Variants in SAMD8 observed in about 807,000 individuals in gnomAD.
The protein encoded by SAMD8 is sterile alpha motif domain containing 8.
SAMD8 carries 20 observed loss-of-function variants against 42.0 expected under a neutral mutation model. That is an observed-to-expected ratio of 0.48 (90% confidence interval 0.34 to 0.69). The LOEUF (loss-of-function observed/expected upper bound fraction) is 0.69, where lower values mean the gene tolerates loss of function less well. Ranked by LOEUF, SAMD8 falls within the 30% of genes least tolerant of loss-of-function variation. The probability of loss-of-function intolerance (pLI) is 0.01; values close to 1 mark genes in which losing one functional copy is unlikely to be tolerated. For synonymous variants in SAMD8, 162 were observed against 173.0 expected (o/e 0.94, Z 0.50); for missense variants, 328 against 511.6 (o/e 0.64, Z 3.46).
chr10:75,172,604 T>C (rs1360739212), intron 4 of SAMD8, among the ~76,000 whole-genome samples: 1 of 151,974 alleles, frequency 6.6e-6, no homozygotes, highest in Non-Finnish European at 1.5e-5. Context: ...TTCAAGGGAT[T>C]CTCCTGTCTC....
At chr10:75,106,648 T>G (rs910540337) in intron 1 of SAMD8, among the ~76,000 whole-genome samples, 1 of 152,220 alleles carries the variant, frequency 6.6e-6, no homozygotes, top group Non-Finnish European at 1.5e-5. Context: ...GGCCCACTCT[T>G]ATGAGTAGCT....
upstream of SAMD8, chr10:75,107,960 G>A (rs1848616750): frequency 6.9e-6 from 11 of 1,586,370 alleles, no homozygotes; most frequent in Non-Finnish European, 9.4e-6. Flanking sequence ...GAATGAGCAA[G>A]ATGGGATATG....
rs1013732196 is a variant in SAMD8 at position 75,181,633 on chromosome 10, T to C, written c.*4941T>C. 1 of 152,226 alleles carries C rather than the reference T, an allele frequency of 6.6e-6. No homozygotes were observed. Among genetic ancestry groups the C allele is most frequent in the Non-Finnish European group, 1.5e-5 (1 of 68,040 alleles). The allele number at this position is 152,226 out of a possible 1,614,324, so 9.4% of individuals were successfully genotyped here. A position where few individuals can be genotyped will look rare whatever the true frequency, so the allele number is the denominator to read the frequency against. ...GCATAAGGAAAGTTTGTGCCTGATA[T>C]GGCAGGAGAAAGAACACTATGGTAA... On this transcript the variant is annotated 3_prime_UTR_variant, in exon 6 of 6. Transcript: ENST00000542569.
At chr10:75,125,766 G>GT (rs1849117534) in intron 1 of SAMD8, 1 of 152,404 alleles carries the variant, frequency 6.6e-6, no homozygotes, top group African/African-American at 2.4e-5. Context: ...GCCATTCGCA[G>GT]AAAGGTAGTC....
intron 1 of SAMD8, among the ~76,000 whole-genome samples, chr10:75,132,161 C>G (rs1849287820): frequency 1.3e-5 from 2 of 152,248 alleles, no homozygotes; most frequent in African/African-American, 4.8e-5. Flanking sequence ...CTTTTCTAGA[C>G]AGGTACTCTC....
intron 4 of SAMD8, 101 bp from the exon 5 acceptor site, chr10:75,175,964 AT>A (rs1840981996): frequency 1.3e-6 from 2 of 1,522,928 alleles, no homozygotes; most frequent in Non-Finnish European, 1.8e-6. Context: ...CTTAGATCTT[AT>A]TTCTAAGTTA....
chr10:75,164,087 G>A (rs1177519773), intron 2 of SAMD8, among the ~76,000 whole-genome samples: 2 of 152,058 alleles, frequency 1.3e-5, no homozygotes, highest in Non-Finnish European at 1.5e-5. Context: ...ATAGTTTCAC[G>A]GGCCTTGTAG....
At chr10:75,107,448 T>C (rs1848584119), upstream of SAMD8, among the ~76,000 whole-genome samples, 1 of 152,226 alleles carries the variant, frequency 6.6e-6, no homozygotes, top group Admixed American at 6.5e-5. Context: ...GCTGTTCTGC[T>C]GTTTGGGAGA....
At chr10:75,159,777 T>A (rs78373645) in intron 2 of SAMD8, among the ~76,000 whole-genome samples, 4,363 of 152,314 alleles carry the variant, frequency 0.029, 230 homozygotes, top group African/African-American at 0.099. Flanking sequence ...TCCACAGGGC[T>A]TTGCTTGATG....
intron 2 of SAMD8, among the ~76,000 whole-genome samples, chr10:75,151,348 T>C (rs1181524503): frequency 6.6e-6 from 1 of 152,096 alleles, no homozygotes; most frequent in Non-Finnish European, 1.5e-5. Context: ...TAATTTTAAT[T>C]TTAATTTAAT....
At chr10:75,162,470 A>G (rs1326350357) in intron 2 of SAMD8, among the ~76,000 whole-genome samples, 1 of 151,860 alleles carries the variant, frequency 6.6e-6, no homozygotes, top group Non-Finnish European at 1.5e-5. Flanking sequence ...ACCAACATGG[A>G]GAAACCCCAT....
chr10:75,149,796 T>C (rs1840238745), intron 1 of SAMD8, among the ~76,000 whole-genome samples: 1 of 152,164 alleles, frequency 6.6e-6, no homozygotes, highest in Non-Finnish European at 1.5e-5. Flanking sequence ...AAATGGGATT[T>C]TTCTCAGTTC....
intron 2 of SAMD8, among the ~76,000 whole-genome samples, chr10:75,153,722 A>C (rs1475747056): frequency 6.6e-6 from 1 of 151,678 alleles, no homozygotes; most frequent in African/African-American, 2.4e-5. Context: ...TATACATCTC[A>C]TTTTGCTCCC....
At chr10:75,115,658 A>T (rs1848861518) in intron 1 of SAMD8, among the ~76,000 whole-genome samples, 1 of 152,210 alleles carries the variant, frequency 6.6e-6, no homozygotes. Flanking sequence ...AATGTAACAT[A>T]CTGCGGGCAC....
intron 1 of SAMD8, among the ~76,000 whole-genome samples, chr10:75,121,699 TC>T (rs1330288286): frequency 6.6e-6 from 1 of 152,122 alleles, no homozygotes; most frequent in Non-Finnish European, 1.5e-5. Context: ...AATTTTTTTT[TC>T]TTCTTTTTTT....
intron 1 of SAMD8, among the ~76,000 whole-genome samples, chr10:75,112,114 G>C (rs1257379960): frequency 1.8e-4 from 28 of 152,198 alleles, no homozygotes; most frequent in Non-Finnish European, 4.1e-4. Context: ...AGAGGAGCAA[G>C]ACCTGGGCCG....
intron 1 of SAMD8, among the ~76,000 whole-genome samples, chr10:75,120,482 G>T (rs978048876): frequency 6.6e-6 from 1 of 151,850 alleles, no homozygotes; most frequent in East Asian, 1.9e-4. Flanking sequence ...TGTTAGCCAG[G>T]ATGGTCTCTA....
At chr10:75,151,129 A>G (rs1257591620) in intron 2 of SAMD8, 23 bp downstream of exon 2, 5 of 1,299,564 alleles carry the variant, frequency 3.8e-6, no homozygotes, top group African/African-American at 3.0e-5. Flanking sequence ...TCTAGTTGCT[A>G]AGTTTGTAGG....
chr10:75,152,173 C>A (rs16913572), intron 2 of SAMD8, among the ~76,000 whole-genome samples: 28,724 of 151,592 alleles, frequency 0.19, 2,978 homozygotes, highest in East Asian at 0.26. Context: ...TGATAGCATG[C>A]TGTTTTATTA....
Sources: gnomAD v4.1 joint callset for allele counts (sites outside exome capture counted in the v4.1 genomes callset) on GRCh38, gnomAD v4.1.1 for gene constraint, MANE v1.5 for transcripts, NCBI Gene and HGNC (gene_info 2026-07-23, HGNC 2026-07-21) for gene names.